The following CC2D2B variants were observed in gnomAD, a reference collection of about 807,000 sequenced individuals.
CC2D2B encodes protein CC2D2B.
A neutral mutation model predicts 161.2 loss-of-function variants in CC2D2B; 128 were observed. The ratio of observed to expected loss-of-function variants is 0.79; its 90% confidence interval spans 0.69 to 0.92. CC2D2B has a LOEUF of 0.92. Among genes scored for constraint, CC2D2B ranks in the 40% least tolerant of loss-of-function variants. The pLI is 0.00. For missense variants in CC2D2B, 1,173 were observed against 1,375.1 expected, an observed-to-expected ratio of 0.85 and a Z score of 2.32; for synonymous variants, 391 against 449.8, an observed-to-expected ratio of 0.87 and a Z score of 1.65.
chr10:96,015,479 TC>T (rs199925480), intron 29 of CC2D2B, among the ~76,000 whole-genome samples: 8 of 151,270 alleles, frequency 5.3e-5, no homozygotes, highest in Non-Finnish European at 1.0e-4. Flanking sequence ...GTTTTTTTTT[TC>T]AACAAAATCC....
chr10:95,996,276 T>C (rs1335967424), intron 24 of CC2D2B, 24 bp downstream of exon 24: 2 of 1,044,666 alleles, frequency 1.9e-6, no homozygotes, highest in Non-Finnish European at 2.8e-6. Context: ...CATTTTTCCA[T>C]AGCTCCTAAA....
intron 7 of CC2D2B, 176 bp from the exon 8 acceptor site, chr10:95,938,393 A>G: frequency 1.6e-6 from 1 of 606,986 alleles, no homozygotes; most frequent in Non-Finnish European, 2.9e-6. Flanking sequence ...ATATAGGCAT[A>G]TGTATTTATA....
intron 9 of CC2D2B, among the ~76,000 whole-genome samples, chr10:95,942,179 G>A (rs1019836751): frequency 1.3e-4 from 20 of 152,088 alleles, no homozygotes; most frequent in African/African-American, 4.8e-4. Context: ...GAGAGAAATA[G>A]GGAGTTGCTG....
chr10:95,949,671 A>T (rs11598500), intron 9 of CC2D2B, among the ~76,000 whole-genome samples: 7,488 of 39,066 alleles, frequency 0.19, 247 homozygotes, highest in South Asian at 0.26. Flanking sequence ...AAAAAAAATT[A>T]AAAAAAAAAA....
intron 19 of CC2D2B, among the ~76,000 whole-genome samples, chr10:95,985,330 G>A (rs568206684): frequency 2.0e-5 from 3 of 152,292 alleles, no homozygotes; most frequent in East Asian, 3.9e-4. Context: ...GACCCCGAAC[G>A]GAAGGACCAG....
At chr10:95,908,598 T>TGAGGGGTTATGTTGGA (rs2141076058) in intron 1 of CC2D2B, among the ~76,000 whole-genome samples, 1 of 152,096 alleles carries the variant, frequency 6.6e-6, no homozygotes, top group South Asian at 2.1e-4. Flanking sequence ...CAGCTATAGT[T>TGAGGGGTTATGTTGGA]GAGGGGTTAT....
At chr10:96,009,785 T>C in intron 25 of CC2D2B, 40 bp from the exon 26 acceptor site, 1 of 866,980 alleles carries the variant, frequency 1.2e-6, no homozygotes, top group Middle Eastern at 2.4e-4. Context: ...ATTCATCACA[T>C]GATATTAAGT....
rs1564689076 is a variant in CC2D2B at position 96,029,266 on chromosome 10, A to ACATATATATGTATATC, written c.4125+1877_4125+1878insCATATATATGTATATC. ...CATATATATATATATATATATATAT[A>ACATATATATGTATATC]TATATATATATATATATATGTATAT... On this transcript the variant is annotated intron_variant, in intron 34 of 34. Transcript: ENST00000646931. Among the ~76,000 whole-genome samples, 22 of 68,058 alleles carry ACATATATATGTATATC rather than the reference A, an allele frequency of 3.2e-4. 2 individuals are homozygous for ACATATATATGTATATC. Among genetic ancestry groups the ACATATATATGTATATC allele is most frequent in the Non-Finnish European group, 3.8e-4 (15 of 39,752 alleles). 44.6% of individuals were successfully genotyped at this position (68,058 alleles called of 152,430 possible).
intron 24 of CC2D2B, among the ~76,000 whole-genome samples, chr10:96,003,598 G>GTA (rs1318316754): frequency 4.0e-5 from 6 of 148,954 alleles, no homozygotes; most frequent in Admixed American, 1.3e-4. Context: ...GTGTGTGTGT[G>GTA]TGTGTGTGTG....
chr10:95,941,944 G>A (rs2076037671), intron 9 of CC2D2B, among the ~76,000 whole-genome samples: 1 of 152,176 alleles, frequency 6.6e-6, no homozygotes, highest in Non-Finnish European at 1.5e-5. Context: ...AAACAACCTA[G>A]CTGTTCATTG....
intron 20 of CC2D2B, 67 bp from the exon 21 acceptor site, chr10:95,991,303 G>GCATTGTAAATA: frequency 2.2e-6 from 1 of 449,726 alleles, no homozygotes; most frequent in East Asian, 3.7e-5. Context: ...GGCACCGGTA[G>GCATTGTAAATA]CATTGTAAAT....
At chr10:95,963,193 AG>A (rs2141431936) in intron 12 of CC2D2B, among the ~76,000 whole-genome samples, 1 of 152,300 alleles carries the variant, frequency 6.6e-6, no homozygotes, top group East Asian at 1.9e-4. Flanking sequence ...TGGGGCATTT[AG>A]TTTAAGCAGT....
chr10:95,979,090 C>T (rs1251546027), intron 17 of CC2D2B, among the ~76,000 whole-genome samples: 1 of 150,738 alleles, frequency 6.6e-6, no homozygotes, highest in African/African-American at 2.4e-5. Context: ...GGCTTCTTTG[C>T]TCAGAAGTTT....
chr10:95,908,698 C>T (rs1198404433), intron 1 of CC2D2B, among the ~76,000 whole-genome samples: 4 of 151,806 alleles, frequency 2.6e-5, no homozygotes, highest in Admixed American at 6.6e-5. Context: ...TCAGAAAGGG[C>T]CTCCTGGTTG....
chr10:95,934,383 G>A (rs954165473), intron 6 of CC2D2B, among the ~76,000 whole-genome samples: 15 of 151,874 alleles, frequency 9.9e-5, no homozygotes, highest in African/African-American at 3.6e-4. Flanking sequence ...TTCCAGGGGA[G>A]TGAACGGTTC....
chr10:96,004,038 C>T (rs901519606), intron 24 of CC2D2B, 114 bp from the exon 25 acceptor site: 2 of 643,664 alleles, frequency 3.1e-6, no homozygotes, highest in African/African-American at 2.0e-5. Context: ...TTAGTTTATA[C>T]TTCATAAAAG....
At chr10:96,025,152 AAAATATATAT>A (rs1268896560) in intron 33 of CC2D2B, among the ~76,000 whole-genome samples, 7 of 25,156 alleles carry the variant, frequency 2.8e-4, no homozygotes, top group African/African-American at 1.2e-3. Flanking sequence ...CTACTAAAAA[AAAATATATAT>A]ATATATATAT....
At chr10:95,994,957 C>T (rs1238993815) in intron 22 of CC2D2B, among the ~76,000 whole-genome samples, 1 of 152,172 alleles carries the variant, frequency 6.6e-6, no homozygotes, top group African/African-American at 2.4e-5. Flanking sequence ...CCTCCACCCA[C>T]AATATATATT....
intron 32 of CC2D2B, chr10:96,021,079 A>G (rs190840847): frequency 6.6e-6 from 1 of 152,300 alleles, no homozygotes; most frequent in African/African-American, 2.4e-5. Flanking sequence ...ATTATTTCAC[A>G]TGCATAAAAT....
Sources: allele counts gnomAD v4.1 joint callset (sites outside exome capture counted in the v4.1 genomes callset), GRCh38; gene constraint gnomAD v4.1.1; transcripts MANE v1.5; gene names NCBI Gene and HGNC (gene_info 2026-07-23, HGNC 2026-07-21).